Variants in SCD5 observed in about 807,000 individuals in gnomAD.
SCD5 encodes the protein acyl-CoA-desaturase 4.
Under a neutral mutation model 30.4 loss-of-function variants are expected in SCD5, and 20 were observed. The observed-to-expected ratio is 0.66, with a 90% CI of 0.46 to 0.96. SCD5 has a LOEUF of 0.96. Among genes scored for constraint, SCD5 ranks in the 40% least tolerant of loss-of-function variants. The probability of loss-of-function intolerance (pLI) is 0.00; values close to 1 mark genes in which losing one functional copy is unlikely to be tolerated. For synonymous variants in SCD5, 173 were observed against 176.4 expected (o/e 0.98, Z 0.16); for missense variants, 381 against 443.3 (o/e 0.86, Z 1.26).
chr4:82,666,248 C>A (rs1728184403), intron 3 of SCD5, among the ~76,000 whole-genome samples: 1 of 152,152 alleles, frequency 6.6e-6, no homozygotes, highest in Non-Finnish European at 1.5e-5. Flanking sequence ...AGATTGAATT[C>A]TTTAGAACAT....
chr4:82,711,148 C>T (rs1383402771), intron 1 of SCD5, among the ~76,000 whole-genome samples: 9 of 152,042 alleles, frequency 5.9e-5, no homozygotes. Context: ...TATTATTGCC[C>T]CATGCATGAA....
chr4:82,660,931 G>A, intron 3 of SCD5: 1 of 1,614,148 alleles, frequency 6.2e-7, no homozygotes, highest in Non-Finnish European at 8.5e-7. Context: ...GCACTTTTCG[G>A]AGTGGTTACA....
rs374357650 is a variant in SCD5 at position 82,659,315 on chromosome 4, C to T, written c.569+21392G>A. On this transcript the variant is annotated intron_variant, in intron 3 of 4. Coordinates refer to ENST00000319540, the MANE Select transcript of SCD5 (RefSeq NM_001037582.3). ...TTCATTGATTTTTTGAAGGGTTTTT[C>T]GTGTCTCTATCTCCTTCAGTTCTGC... Among the ~76,000 whole-genome samples, 29 of 152,006 alleles carry T rather than the reference C, an allele frequency of 1.9e-4. No individual in the cohort carries two copies. The East Asian group carries it at 5.2e-3, about 27-fold the overall frequency.
At chr4:82,796,018 T>C (rs1722207290) in intron 1 of SCD5, among the ~76,000 whole-genome samples, 1 of 151,704 alleles carries the variant, frequency 6.6e-6, no homozygotes, top group South Asian at 2.1e-4. Flanking sequence ...CGCCTGTAAT[T>C]CCAGCAGTTT....
At chr4:82,783,940 G>C (rs1048806858) in intron 1 of SCD5, among the ~76,000 whole-genome samples, 1 of 151,946 alleles carries the variant, frequency 6.6e-6, no homozygotes, top group Admixed American at 6.6e-5. Context: ...AAAATATTTA[G>C]AGATAAAAGG....
chr4:82,683,938 C>A (rs1399362444), intron 2 of SCD5, among the ~76,000 whole-genome samples: 1 of 152,168 alleles, frequency 6.6e-6, no homozygotes. Context: ...ATAGATTACC[C>A]AGTCTCAGGT....
chr4:82,684,199 G>A (rs1728646424), intron 2 of SCD5, among the ~76,000 whole-genome samples: 1 of 152,152 alleles, frequency 6.6e-6, no homozygotes, highest in Non-Finnish European at 1.5e-5. Flanking sequence ...GTGGAATGAA[G>A]CAAGTATAAC....
At chr4:82,705,474 T>C (rs547286995) in intron 1 of SCD5, 61 bp from the exon 2 acceptor site, 8 of 1,596,710 alleles carry the variant, frequency 5.0e-6, no homozygotes, top group African/African-American at 1.3e-5. Context: ...ACACCCCCCA[T>C]GCTTTTTCTC....
intron 1 of SCD5, among the ~76,000 whole-genome samples, chr4:82,783,247 G>A (rs917043011): frequency 3.9e-5 from 6 of 152,160 alleles, no homozygotes; most frequent in Non-Finnish European, 7.3e-5. Context: ...TTTTTCCCAA[G>A]GACTAGGGAG....
At chr4:82,713,223 T>C (rs1720148107) in intron 1 of SCD5, among the ~76,000 whole-genome samples, 1 of 152,210 alleles carries the variant, frequency 6.6e-6, no homozygotes. Context: ...CTTTTATACA[T>C]ATTGCTTATT....
intron 3 of SCD5, among the ~76,000 whole-genome samples, chr4:82,646,655 G>A (rs78553764): frequency 1.3e-5 from 2 of 152,164 alleles, no homozygotes; most frequent in Admixed American, 6.5e-5. Context: ...CATGATAAGC[G>A]TTCTGTAGAA....
Position 82,705,348 on chromosome 4 carries a change from T to C in SCD5, c.298A>G (p.Arg100Gly). 6.2e-7 allele frequency: 1 copy of C among 1,614,192 alleles called. No individual in the cohort carries two copies. The highest frequency in any genetic ancestry group is 1.3e-5 in the African/African-American group (1 of 75,060). Residue 100 changes from arginine to glycine, a missense_variant, in exon 2 of 5, where the codon AGG (arginine) becomes GGG (glycine). Transcript: ENST00000319540. ...AGAGGCAGCTTGGCCCGGTAGGACC[T>C]GTGGCTCCACAAGCGATGGGCACCA... Reference protein sequence around the residue: ...TAGAHRLWSHRSYRAKLPLRI... With the variant: ...TAGAHRLWSHGSYRAKLPLRI...
At chr4:82,752,728 A>G (rs917742713) in intron 1 of SCD5, among the ~76,000 whole-genome samples, 3 of 152,118 alleles carry the variant, frequency 2.0e-5, no homozygotes, top group Admixed American at 2.0e-4. Context: ...ACATCCACTC[A>G]GTTCTTTCAC....
chr4:82,694,307 A>G (rs139238301), intron 2 of SCD5, among the ~76,000 whole-genome samples: 30 of 152,272 alleles, frequency 2.0e-4, no homozygotes, highest in African/African-American at 6.0e-4. Flanking sequence ...CGGTTCCCAC[A>G]GGCATCATGT....
In SCD5 at chr4:82,692,206, G is replaced by T; in HGVS notation, c.364-11294C>A. Reference sequence around the variant, plus strand: ...TCTGGGCTTCCTGGCCATGCTGACCGACGCCATGATGGACCTGCCCCAGCT... The same window carrying T: ...TCTGGGCTTCCTGGCCATGCTGACCTACGCCATGATGGACCTGCCCCAGCT... On this transcript the variant is annotated intron_variant, in intron 2 of 4. Transcript: ENST00000319540. The T allele has an allele frequency of 1.9e-5, 3 of 157,234 alleles. No homozygotes were observed. In the South Asian group the frequency reaches 5.3e-4, roughly 28 times the overall value. The allele number at this position is 157,234 out of a possible 1,614,324, so 9.7% of individuals were successfully genotyped here.
rs1578026853 is a variant in SCD5 at position 82,698,857 on chromosome 4, T to C, written c.363+6426A>G. On this transcript the variant is annotated intron_variant, in intron 2 of 4. Transcript: ENST00000319540. Reference sequence around the variant, plus strand: ...TGTGATGTTACTCTGTTTAATTCTTTATATCCTTCTCTCTCTGAATACATT... The same window carrying C: ...TGTGATGTTACTCTGTTTAATTCTTCATATCCTTCTCTCTCTGAATACATT... 1.3e-5 allele frequency among the ~76,000 whole-genome samples: 2 copies of C among 152,348 alleles called. 1 individual carries two copies. The highest frequency in any genetic ancestry group is 4.8e-5 in the African/African-American group (2 of 41,590).
intron 2 of SCD5, among the ~76,000 whole-genome samples, chr4:82,697,002 A>T (rs753494386): frequency 6.6e-6 from 1 of 152,230 alleles, no homozygotes; most frequent in Non-Finnish European, 1.5e-5. Context: ...AGGTTCCCCA[A>T]TTCTAACCTC....
chr4:82,707,998 A>G (rs1390881840), intron 1 of SCD5, among the ~76,000 whole-genome samples: 1 of 152,244 alleles, frequency 6.6e-6, no homozygotes, highest in African/African-American at 2.4e-5. Flanking sequence ...CCTTTCATTC[A>G]TGGAAGGAAG....
chr4:82,677,499 G>A (rs759039246), intron 3 of SCD5, among the ~76,000 whole-genome samples: 9 of 152,170 alleles, frequency 5.9e-5, no homozygotes, highest in Non-Finnish European at 1.2e-4. Flanking sequence ...TTTGATTCCT[G>A]TGAGGACTCT....
Sources: gnomAD v4.1 joint callset for allele counts (sites outside exome capture counted in the v4.1 genomes callset) on GRCh38, gnomAD v4.1.1 for gene constraint, MANE v1.5 for transcripts, NCBI Gene and HGNC (gene_info 2026-07-23, HGNC 2026-07-21) for gene names.